Variants in CEP192 observed in about 807,000 individuals in gnomAD.
The protein encoded by CEP192 is centrosomal protein of 192 kDa.
A neutral mutation model predicts 271.8 loss-of-function variants in CEP192; 151 were observed. The observed-to-expected ratio is 0.56, with a 90% confidence interval of 0.49 to 0.64. The LOEUF is 0.64. CEP192 is among the 30% of genes least tolerant of loss of function. The pLI is 0.00. For missense variants in CEP192, 2,910 were observed against 3,020.5 expected (o/e 0.96, Z 0.86); for synonymous variants, 995 against 1,076.5 (o/e 0.92, Z 1.48).
At chr18:13,115,005 AATT>A (rs760175292) in intron 42 of CEP192, among the ~76,000 whole-genome samples, 7 of 152,224 alleles carry the variant, frequency 4.6e-5, no homozygotes, top group Non-Finnish European at 1.0e-4. Flanking sequence ...AATTAGGTCT[AATT>A]AAGTTCTTGA....
chr18:13,033,218 C>CTAA (rs2035732936), intron 11 of CEP192, among the ~76,000 whole-genome samples: 1 of 152,088 alleles, frequency 6.6e-6, no homozygotes, highest in Non-Finnish European at 1.5e-5. Flanking sequence ...GCCCATTCCC[C>CTAA]TAATATATAA....
chr18:13,041,737 TGTATTTTTG>T (rs1449328848), intron 14 of CEP192, among the ~76,000 whole-genome samples: 1 of 152,074 alleles, frequency 6.6e-6, no homozygotes, highest in Non-Finnish European at 1.5e-5. Context: ...GCTAATTTTT[TGTATTTTTG>T]GTAGAGATAA....
intron 34 of CEP192, among the ~76,000 whole-genome samples, chr18:13,093,823 C>G (rs2039262318): frequency 6.6e-6 from 1 of 152,230 alleles, no homozygotes; most frequent in South Asian, 2.1e-4. Context: ...AGAGCAGATA[C>G]ATCTTGCAAA....
In CEP192 at chr18:13,017,888, T is replaced by C. The variant is rs144564985; in HGVS notation, c.789+552T>C. On this transcript the variant is annotated intron_variant, in intron 7 of 44. Transcript: ENST00000506447. ...CTTGCCTTTGGTTGTCCTGTCTCTT[T>C]ATTCTCTTTTAATTTGGAGTAGTTC... 4.2e-3 allele frequency among the ~76,000 whole-genome samples: 644 copies of C among 152,368 alleles called. 5 individuals carry two copies. Among genetic ancestry groups the C allele is most frequent in the African/African-American group, 0.014 (595 of 41,592 alleles).
chr18:13,120,359 G>A (rs2040606487), intron 44 of CEP192, among the ~76,000 whole-genome samples: 1 of 152,180 alleles, frequency 6.6e-6, no homozygotes, highest in African/African-American at 2.4e-5. Flanking sequence ...TATGAAATGT[G>A]TTCCTTGCTG....
At chr18:13,022,897 T>C (rs993757432) in intron 9 of CEP192, among the ~76,000 whole-genome samples, 2 of 152,256 alleles carry the variant, frequency 1.3e-5, no homozygotes, top group Non-Finnish European at 2.9e-5. Context: ...ATAGATGTTA[T>C]ATATATTTTG....
chr18:13,038,803 G>A (rs186509285), intron 13 of CEP192, among the ~76,000 whole-genome samples: 106 of 152,194 alleles, frequency 7.0e-4, no homozygotes, highest in African/African-American at 2.3e-3. Flanking sequence ...TGAATTTCCC[G>A]TTTCTTAACA....
intron 21 of CEP192, among the ~76,000 whole-genome samples, chr18:13,065,295 A>G (rs2037635151): frequency 2.0e-5 from 3 of 152,128 alleles, no homozygotes; most frequent in Non-Finnish European, 4.4e-5. Context: ...ATTCTGTGGT[A>G]TATAAAAGTT....
At chr18:13,089,373 C>G (rs61466343) in intron 32 of CEP192, 83 bp from the exon 33 acceptor site, 1 of 648,840 alleles carries the variant, frequency 1.5e-6, no homozygotes, top group Non-Finnish European at 2.6e-6. Flanking sequence ...TGGGATTTGC[C>G]AAATGCATTA....
intron 1 of CEP192, among the ~76,000 whole-genome samples, chr18:12,996,293 G>A (rs769667476): frequency 2.6e-5 from 4 of 152,194 alleles, no homozygotes; most frequent in African/African-American, 4.8e-5. Flanking sequence ...GGGATTGCAC[G>A]TGATGGGGTG....
Position 13,042,201 on chromosome 18 carries a change from C to T in CEP192, c.1937-3C>T, listed in dbSNP as rs1409935034. 3 of 1,608,726 alleles carry T rather than the reference C, an allele frequency of 1.9e-6. No homozygotes were observed. The highest frequency in any genetic ancestry group is 2.6e-6 in the Non-Finnish European group (3 of 1,175,998). On this transcript the variant is annotated splice_polypyrimidine_tract_variant and splice_region_variant and intron_variant, in intron 14 of 44. Coordinates refer to ENST00000506447, the MANE Select transcript of CEP192 (RefSeq NM_032142.4). Reference sequence around the variant, plus strand: ...TAAGTTGAATATTATATATTTCCTGCAGGAGATTTAAATGAACAGTCCCAG... The same window carrying T: ...TAAGTTGAATATTATATATTTCCTGTAGGAGATTTAAATGAACAGTCCCAG...
At chr18:13,093,478 G>A (rs957397435) in intron 34 of CEP192, among the ~76,000 whole-genome samples, 6 of 152,176 alleles carry the variant, frequency 3.9e-5, no homozygotes, top group African/African-American at 7.2e-5. Context: ...TGATACAGAA[G>A]GTTCAATTAT....
Position 13,095,353 on chromosome 18 carries a change from A to G in CEP192, c.6255-150A>G, listed in dbSNP as rs1403095108. 1.4e-5 allele frequency: 9 copies of G among 653,462 alleles called. No individual in the cohort carries two copies. In the East Asian group the frequency reaches 2.2e-4, roughly 16 times the overall value. The allele number at this position is 653,462 out of a possible 1,614,324, so 40.5% of individuals were successfully genotyped here. A position where few individuals can be genotyped will look rare whatever the true frequency, so the allele number is the denominator to read the frequency against. ...ATGAATAACTTTTATTCACTAAAAA[A>G]TACCTGATAACTCACTTTTAACTTT... On this transcript the variant is annotated intron_variant, in intron 34 of 44. Transcript: ENST00000506447.
chr18:13,103,533 A>C lies in CEP192; in HGVS notation c.6896A>C (p.His2299Pro). The change falls in exon 39 of 45, where the codon CAT becomes CCT. Residue 2299 changes from histidine to proline, a missense_variant. Coordinates refer to ENST00000506447, the MANE Select transcript of CEP192 (RefSeq NM_032142.4). ...TSESCLELEN[H>P]GTTDVKWHLS... The stretch of plus-strand genomic sequence containing the variant: ...GAGAGCTGTCTAGAACTCGAGAATC[A>C]TGGCACCACAGACGTGAAATGGCAT... 1 of 1,613,964 alleles carries C rather than the reference A, an allele frequency of 6.2e-7. No homozygotes were observed. Among genetic ancestry groups the C allele is most frequent in the Non-Finnish European group, 8.5e-7 (1 of 1,179,886 alleles).
At chr18:13,041,384 C>G (rs114985146) in intron 14 of CEP192, among the ~76,000 whole-genome samples, 50 of 152,146 alleles carry the variant, frequency 3.3e-4, no homozygotes, top group African/African-American at 1.1e-3. Flanking sequence ...CATGCAGCTA[C>G]TTTTTGTTAG....
At chr18:13,103,893 C>T (rs1424530406) in intron 39 of CEP192, 4 of 472,042 alleles carry the variant, frequency 8.5e-6, no homozygotes, top group South Asian at 6.2e-5. Context: ...CCTCACCACA[C>T]TGCCCAGGCT....
At position 12,999,353 on chromosome 18, in the gene CEP192, A is replaced by G. The variant is rs553449095; in HGVS notation, c.-4-68A>G. 275 of 1,219,048 alleles carry G rather than the reference A, an allele frequency of 2.3e-4. No homozygotes were observed. The African/African-American group carries it at 3.5e-3, about 15-fold the overall frequency. 75.5% of individuals were successfully genotyped at this position (1,219,048 alleles called of 1,614,324 possible). ...TAAGATTTATTAGTTTTCTAAGACAATGCTTTTAATCATTTAAAAACATTT... is the reference window on the plus strand; with the variant it reads ...TAAGATTTATTAGTTTTCTAAGACAGTGCTTTTAATCATTTAAAAACATTT... On this transcript the variant is annotated intron_variant, in intron 1 of 44. Coordinates refer to ENST00000506447, the MANE Select transcript of CEP192 (RefSeq NM_032142.4).
At chr18:13,004,512 G>A (rs1347104948) in intron 3 of CEP192, among the ~76,000 whole-genome samples, 1 of 152,116 alleles carries the variant, frequency 6.6e-6, no homozygotes, top group Non-Finnish European at 1.5e-5. Context: ...ACAGGTGGGA[G>A]GACGGCCTGG....
chr18:12,996,336 G>C (rs147632741), intron 1 of CEP192, among the ~76,000 whole-genome samples: 8 of 152,200 alleles, frequency 5.3e-5, no homozygotes, highest in Non-Finnish European at 1.2e-4. Context: ...TACGGTTTTT[G>C]GCCTAAGCAG....
Sources: gnomAD v4.1 joint callset for allele counts (sites outside exome capture counted in the v4.1 genomes callset) on GRCh38, gnomAD v4.1.1 for gene constraint, MANE v1.5 for transcripts, NCBI Gene and HGNC (gene_info 2026-07-23, HGNC 2026-07-21) for gene names.